The following IGSF21 variants were observed in gnomAD, a reference collection of about 807,000 sequenced individuals.
IGSF21 encodes immunoglobin superfamily member 21.
In IGSF21, 28 loss-of-function variants were observed where a neutral mutation model predicts 46.8. That is an observed-to-expected ratio of 0.60 (90% confidence interval 0.44 to 0.82). IGSF21 has a LOEUF of 0.82. Among genes scored for constraint, IGSF21 ranks in the 40% least tolerant of loss-of-function variants. The probability of loss-of-function intolerance (pLI) is 0.00; values close to 1 mark genes in which losing one functional copy is unlikely to be tolerated. For missense variants in IGSF21, 624 were observed against 665.5 expected, an observed-to-expected ratio of 0.94 and a Z score of 0.69; for synonymous variants, 284 against 273.6, an observed-to-expected ratio of 1.04 and a Z score of -0.38.
At chr1:18,291,553 T>G (rs189215816) in intron 2 of IGSF21, among the ~76,000 whole-genome samples, 291 of 152,294 alleles carry the variant, frequency 1.9e-3, no homozygotes, top group African/African-American at 6.5e-3. Context: ...TCATCCCACT[T>G]CCTTTCTTCT....
At chr1:18,235,967 G>C (rs1199998725) in intron 2 of IGSF21, among the ~76,000 whole-genome samples, 1 of 152,158 alleles carries the variant, frequency 6.6e-6, no homozygotes, top group Non-Finnish European at 1.5e-5. Context: ...TAGAAGTTAA[G>C]GGCTTGCTAA....
At chr1:18,146,284 G>A (rs1241866828) in intron 1 of IGSF21, among the ~76,000 whole-genome samples, 1 of 152,170 alleles carries the variant, frequency 6.6e-6, no homozygotes, top group Non-Finnish European at 1.5e-5. Flanking sequence ...GGCCTAGCAG[G>A]GAGTGAGCGT....
chr1:18,222,130 C>T (rs2084516734), intron 1 of IGSF21, among the ~76,000 whole-genome samples: 1 of 152,182 alleles, frequency 6.6e-6, no homozygotes, highest in South Asian at 2.1e-4. Context: ...AGCTGTGCCT[C>T]CTCATTCCCA....
At chr1:18,136,191 T>C (rs2086366489) in intron 1 of IGSF21, among the ~76,000 whole-genome samples, 1 of 152,228 alleles carries the variant, frequency 6.6e-6, no homozygotes, top group African/African-American at 2.4e-5. Flanking sequence ...GCAAAAATTT[T>C]CTCCCATTCT....
At chr1:18,154,513 C>T (rs1025234621) in intron 1 of IGSF21, among the ~76,000 whole-genome samples, 1 of 151,956 alleles carries the variant, frequency 6.6e-6, no homozygotes, top group East Asian at 2.0e-4. Flanking sequence ...CTGGGCTCTG[C>T]CCTGAGAGAA....
intron 1 of IGSF21, among the ~76,000 whole-genome samples, chr1:18,162,723 A>AT (rs2086639038): frequency 6.6e-6 from 1 of 152,176 alleles, no homozygotes; most frequent in Admixed American, 6.5e-5. Context: ...GCGTCTGCAT[A>AT]TTAGGGACAT....
chr1:18,376,039 T>A, intron 6 of IGSF21: 1 of 372,300 alleles, frequency 2.7e-6, no homozygotes, highest in East Asian at 5.7e-5. Flanking sequence ...TCTTCCCCAC[T>A]GATGTGTGAA....
At chr1:18,120,119 G>A (rs1267629955) in intron 1 of IGSF21, among the ~76,000 whole-genome samples, 9 of 152,232 alleles carry the variant, frequency 5.9e-5, no homozygotes, top group East Asian at 1.9e-4. Flanking sequence ...AGCCTGGAGC[G>A]TCTGAGGAGG....
chr1:18,368,046 C>T (rs1228884965), intron 6 of IGSF21, among the ~76,000 whole-genome samples: 4 of 152,022 alleles, frequency 2.6e-5, no homozygotes, highest in Non-Finnish European at 4.4e-5. Flanking sequence ...TCCCATGTCA[C>T]AGAGGAGGAA....
At chr1:18,339,578 G>C (rs558722468) in intron 4 of IGSF21, among the ~76,000 whole-genome samples, 29 of 152,180 alleles carry the variant, frequency 1.9e-4, no homozygotes, top group Admixed American at 5.2e-4. Context: ...CAAAACATTA[G>C]CTGGGCTGTG....
At chr1:18,305,561 T>TGGATGGATGGAC (rs2085416771) in intron 3 of IGSF21, among the ~76,000 whole-genome samples, 1 of 149,020 alleles carries the variant, frequency 6.7e-6, no homozygotes, top group Non-Finnish European at 1.5e-5. Flanking sequence ...GATGGATGGA[T>TGGATGGATGGAC]GGATGGATGG....
At chr1:18,176,225 C>G (rs1197289671) in intron 1 of IGSF21, 2 of 152,186 alleles carry the variant, frequency 1.3e-5, no homozygotes, top group South Asian at 2.1e-4. Context: ...CATGGTTGAG[C>G]TGCTTTTAGG....
chr1:18,273,969 C>T (rs1418629625), intron 2 of IGSF21, among the ~76,000 whole-genome samples: 1 of 152,138 alleles, frequency 6.6e-6, no homozygotes, highest in African/African-American at 2.4e-5. Flanking sequence ...GTCTGCTGCT[C>T]TATGTGTTGG....
At chr1:18,256,424 A>G (rs1214708847) in intron 2 of IGSF21, among the ~76,000 whole-genome samples, 2 of 152,178 alleles carry the variant, frequency 1.3e-5, no homozygotes, top group Non-Finnish European at 2.9e-5. Flanking sequence ...TCCCCAAGGA[A>G]AGCGTACAGC....
intron 1 of IGSF21, among the ~76,000 whole-genome samples, chr1:18,127,334 C>T (rs918375209): frequency 2.6e-5 from 4 of 152,102 alleles, no homozygotes; most frequent in African/African-American, 9.7e-5. Flanking sequence ...GGGAGCAGAG[C>T]AGCTTCTCTA....
At chr1:18,177,368 C>A (rs1300107740) in intron 1 of IGSF21, among the ~76,000 whole-genome samples, 4 of 147,636 alleles carry the variant, frequency 2.7e-5, no homozygotes, top group African/African-American at 9.9e-5. Flanking sequence ...GGACTGTGGT[C>A]GTGTGTGGGG....
At chr1:18,154,901 T>C (rs1447093769) in intron 1 of IGSF21, among the ~76,000 whole-genome samples, 1 of 151,258 alleles carries the variant, frequency 6.6e-6, no homozygotes, top group East Asian at 2.0e-4. Flanking sequence ...TCTGGAAAAA[T>C]CCTGGAGGAC....
At chr1:18,119,471 G>T (rs1308286440) in intron 1 of IGSF21, among the ~76,000 whole-genome samples, 5 of 152,244 alleles carry the variant, frequency 3.3e-5, no homozygotes, top group Non-Finnish European at 7.3e-5. Flanking sequence ...ATTGGACAGT[G>T]CACTTCCAAA....
chr1:18,320,124 CT>C (rs2085586469), intron 3 of IGSF21, among the ~76,000 whole-genome samples: 1 of 152,208 alleles, frequency 6.6e-6, no homozygotes, highest in Non-Finnish European at 1.5e-5. Flanking sequence ...TAGTTTCCAT[CT>C]CCCCATGGCA....
Sources: allele counts gnomAD v4.1 joint callset (sites outside exome capture counted in the v4.1 genomes callset), GRCh38; gene constraint gnomAD v4.1.1; transcripts MANE v1.5; gene names NCBI Gene and HGNC (gene_info 2026-07-23, HGNC 2026-07-21).